DLC1: variants seen among roughly 807,000 people sequenced by gnomAD.
DLC1 encodes the protein DLC1 Rho GTPase activating protein.
A neutral mutation model predicts 140.3 loss-of-function variants in DLC1; 54 were observed. The ratio of observed to expected loss-of-function variants is 0.38; its 90% CI spans 0.31 to 0.48. DLC1 has a LOEUF of 0.48. DLC1 is among the 20% of genes least tolerant of loss of function. DLC1 has a pLI of 0.96. For missense variants in DLC1, 2,536 were observed against 1,907.0 expected, an observed-to-expected ratio of 1.33 and a Z score of -6.14; for synonymous variants, 986 against 728.1, an observed-to-expected ratio of 1.35 and a Z score of -5.70.
chr8:13,141,902 G>C (rs1163542559), intron 5 of DLC1, among the ~76,000 whole-genome samples: 1 of 152,160 alleles, frequency 6.6e-6, no homozygotes, highest in East Asian at 1.9e-4. Flanking sequence ...CAAGGCTTAT[G>C]ATATGGTTAG....
intron 2 of DLC1, among the ~76,000 whole-genome samples, chr8:13,436,183 A>G (rs754672545): frequency 6.6e-6 from 1 of 152,224 alleles, no homozygotes; most frequent in South Asian, 2.1e-4. Flanking sequence ...AATGGAACCT[A>G]TAATATCTGC....
chr8:13,201,921 G>GTTTTTTTTT (rs35475930), intron 5 of DLC1, among the ~76,000 whole-genome samples: 1 of 101,788 alleles, frequency 9.8e-6, no homozygotes, highest in Non-Finnish European at 2.0e-5. Flanking sequence ...TACCCAAAAG[G>GTTTTTTTTT]TTTTTTTTTT....
At chr8:13,155,314 G>C (rs1310628401) in intron 5 of DLC1, among the ~76,000 whole-genome samples, 2 of 150,912 alleles carry the variant, frequency 1.3e-5, no homozygotes, top group Admixed American at 6.6e-5. Flanking sequence ...GGTGCCTGTA[G>C]GTTTTTTATG....
chr8:13,217,099 T>C (rs1466768541), intron 5 of DLC1, among the ~76,000 whole-genome samples: 1 of 152,184 alleles, frequency 6.6e-6, no homozygotes, highest in African/African-American at 2.4e-5. Flanking sequence ...TGGTTAATTT[T>C]GAGTTGTACA....
intron 5 of DLC1, among the ~76,000 whole-genome samples, chr8:13,178,914 C>A (rs944100303): frequency 6.6e-6 from 1 of 151,990 alleles, no homozygotes; most frequent in Non-Finnish European, 1.5e-5. Flanking sequence ...AAATATACAC[C>A]GAATACCAAT....
At chr8:13,570,977 G>C (rs1474326663) in intron 1 of DLC1, among the ~76,000 whole-genome samples, 1 of 152,160 alleles carries the variant, frequency 6.6e-6, no homozygotes, top group Non-Finnish European at 1.5e-5. Context: ...CACAGGAGGA[G>C]AGAACTCACG....
chr8:13,349,961 C>A (rs986028609), intron 4 of DLC1, among the ~76,000 whole-genome samples: 6 of 152,176 alleles, frequency 3.9e-5, no homozygotes. Flanking sequence ...CTGAGACCAG[C>A]TTTTCCATAC....
At chr8:13,116,546 CA>C in intron 5 of DLC1, among the ~76,000 whole-genome samples, 1 of 152,314 alleles carries the variant, frequency 6.6e-6, no homozygotes, top group East Asian at 1.9e-4. Flanking sequence ...AAGGTCTCAA[CA>C]TTGCATAATT....
intron 4 of DLC1, among the ~76,000 whole-genome samples, chr8:13,352,493 C>T (rs184623174): frequency 1.5e-4 from 23 of 152,130 alleles, no homozygotes; most frequent in African/African-American, 5.5e-4. Flanking sequence ...GCAGTCCTCC[C>T]ACCTCGGCCT....
chr8:13,257,086 C>G (rs370330239), intron 5 of DLC1, among the ~76,000 whole-genome samples: 1 of 151,992 alleles, frequency 6.6e-6, no homozygotes, highest in African/African-American at 2.4e-5. Context: ...GACCAAGTTC[C>G]ACCCTAAACT....
chr8:13,163,247 C>A (rs906181002), intron 5 of DLC1, among the ~76,000 whole-genome samples: 3 of 152,148 alleles, frequency 2.0e-5, no homozygotes, highest in Non-Finnish European at 4.4e-5. Flanking sequence ...TTAATCCACA[C>A]CTTTAAGACA....
chr8:13,399,039 C>A (rs955630386), intron 3 of DLC1, among the ~76,000 whole-genome samples: 1 of 152,144 alleles, frequency 6.6e-6, no homozygotes, highest in Non-Finnish European at 1.5e-5. Context: ...AAAGATACTG[C>A]AGAACAGCAG....
chr8:13,273,686 C>CTGTGTGTGTGTGTGTG (rs59265902), intron 5 of DLC1, among the ~76,000 whole-genome samples: 4 of 62,504 alleles, frequency 6.4e-5, no homozygotes, highest in African/African-American at 2.6e-4. Flanking sequence ...AGAACTGTGC[C>CTGTGTGTGTGTGTGTG]TGTGTGTGTG....
At chr8:13,335,988 A>T (rs1405635098) in intron 4 of DLC1, among the ~76,000 whole-genome samples, 4 of 152,150 alleles carry the variant, frequency 2.6e-5, no homozygotes, top group African/African-American at 9.7e-5. Flanking sequence ...ATTTTCACTT[A>T]TGAAGGTACT....
intron 2 of DLC1, among the ~76,000 whole-genome samples, chr8:13,412,147 A>T (rs527746057): frequency 6.6e-6 from 1 of 152,324 alleles, no homozygotes; most frequent in African/African-American, 2.4e-5. Flanking sequence ...AATTGGTCAA[A>T]GCATATAAAG....
intron 2 of DLC1, among the ~76,000 whole-genome samples, chr8:13,411,257 G>C (rs1258818366): frequency 2.0e-5 from 3 of 152,142 alleles, no homozygotes; most frequent in African/African-American, 7.2e-5. Context: ...TCACACCATG[G>C]AAAGATATGG....
chr8:13,524,547 C>T (rs898447482), intron 1 of DLC1, among the ~76,000 whole-genome samples: 1 of 152,100 alleles, frequency 6.6e-6, no homozygotes, highest in African/African-American at 2.4e-5. Flanking sequence ...TACAATTTGG[C>T]ACATAGTCAT....
chr8:13,225,840 C>G (rs1387790032), intron 5 of DLC1, among the ~76,000 whole-genome samples: 2 of 152,062 alleles, frequency 1.3e-5, no homozygotes, highest in Admixed American at 1.3e-4. Flanking sequence ...TGGTTTGGAT[C>G]TCCTGACCTC....
At chr8:13,320,633 G>A (rs1189772222) in intron 4 of DLC1, among the ~76,000 whole-genome samples, 1 of 152,082 alleles carries the variant, frequency 6.6e-6, no homozygotes, top group Non-Finnish European at 1.5e-5. Flanking sequence ...TGGGTCATGG[G>A]GTGATCTCTC....
Sources: gnomAD v4.1 joint callset for allele counts (sites outside exome capture counted in the v4.1 genomes callset) on GRCh38, gnomAD v4.1.1 for gene constraint, MANE v1.5 for transcripts, NCBI Gene and HGNC (gene_info 2026-07-23, HGNC 2026-07-21) for gene names.